FREM1: variants seen among roughly 807,000 people sequenced by gnomAD.
FREM1 encodes FRAS1-related extracellular matrix protein 1.
In FREM1, 220 loss-of-function variants were observed where a neutral mutation model predicts 210.1. The ratio of observed to expected loss-of-function variants is 1.05; its 90% confidence interval spans 0.94 to 1.17. The LOEUF is 1.17. Among genes scored for constraint, FREM1 ranks in the 50% most tolerant of loss-of-function variants. The pLI, the probability that FREM1 is intolerant of heterozygous loss-of-function variation, is 0.00. For synonymous variants in FREM1, 1,189 were observed against 980.2 expected, an observed-to-expected ratio of 1.21 and a Z score of -3.98; for missense variants, 3,454 against 2,675.5, an observed-to-expected ratio of 1.29 and a Z score of -6.42.
chr9:14,853,349 G>A (rs1007725331), intron 5 of FREM1, among the ~76,000 whole-genome samples: 2 of 152,190 alleles, frequency 1.3e-5, no homozygotes, highest in Non-Finnish European at 2.9e-5. Context: ...GTGCACTCTT[G>A]AGAGGACAAA....
intron 1 of FREM1, among the ~76,000 whole-genome samples, chr9:14,886,895 CAAAAAAAAAAAAAAA>C (rs59827471): frequency 1.0e-5 from 1 of 95,498 alleles, no homozygotes; most frequent in Non-Finnish European, 2.1e-5. Flanking sequence ...GACCTTGTTT[CAAAAAAAAAAAAAAA>C]AAAAAAAAAG....
chr9:14,848,901 A>G, intron 6 of FREM1, 128 bp from the exon 7 acceptor site: 1 of 503,230 alleles, frequency 2.0e-6, no homozygotes. Flanking sequence ...TGCAGTTCCC[A>G]CATCTCATTT....
At chr9:14,814,490 T>A (rs539753903) in intron 15 of FREM1, among the ~76,000 whole-genome samples, 6 of 152,316 alleles carry the variant, frequency 3.9e-5, no homozygotes, top group Admixed American at 2.6e-4. Context: ...CTAAAACAAA[T>A]ATACATGAAA....
intron 19 of FREM1, among the ~76,000 whole-genome samples, chr9:14,803,366 ATCCTTCCT>A (rs1817717942): frequency 9.5e-6 from 1 of 105,686 alleles, no homozygotes; most frequent in East Asian, 2.9e-4. Context: ...CCTTCTTTCC[ATCCTTCCT>A]TCCTTCCTCA....
At chr9:14,829,315 C>A (rs137937200) in intron 10 of FREM1, among the ~76,000 whole-genome samples, 1 of 152,288 alleles carries the variant, frequency 6.6e-6, no homozygotes, top group East Asian at 1.9e-4. Flanking sequence ...TAATTACTGT[C>A]TGAAAATGGT....
intron 24 of FREM1, among the ~76,000 whole-genome samples, chr9:14,777,465 T>C (rs980547288): frequency 1.1e-4 from 16 of 152,190 alleles, no homozygotes; most frequent in Non-Finnish European, 2.9e-5. Flanking sequence ...AATCACAGAA[T>C]TGTGCCTTGT....
chr9:14,838,489 G>GCACA (rs4008011), intron 10 of FREM1, among the ~76,000 whole-genome samples: 3,331 of 150,058 alleles, frequency 0.022, 51 homozygotes, highest in South Asian at 0.034. Flanking sequence ...ATGCTTGCCA[G>GCACA]CACACACACA....
At chr9:14,903,840 G>A (rs1390037327) in intron 1 of FREM1, among the ~76,000 whole-genome samples, 1 of 152,118 alleles carries the variant, frequency 6.6e-6, no homozygotes, top group Non-Finnish European at 1.5e-5. Context: ...AGACATTTCT[G>A]GCCGGGTGCG....
At chr9:14,809,762 TG>T (rs1279064646) in intron 16 of FREM1, among the ~76,000 whole-genome samples, 1 of 152,176 alleles carries the variant, frequency 6.6e-6, no homozygotes, top group Non-Finnish European at 1.5e-5. Context: ...GCACACATTT[TG>T]GAACTTTCAA....
intron 27 of FREM1, among the ~76,000 whole-genome samples, chr9:14,764,479 A>G (rs1846046288): frequency 6.6e-6 from 1 of 152,246 alleles, no homozygotes; most frequent in African/African-American, 2.4e-5. Flanking sequence ...TTATTAGCAT[A>G]GAGAGAAAGA....
chr9:14,775,707 CAAAA>C (rs35187926), intron 25 of FREM1, 78 bp downstream of exon 25: 1,983 of 365,282 alleles, frequency 5.4e-3, no homozygotes, highest in Middle Eastern at 0.011. Flanking sequence ...GACTCCCTCT[CAAAA>C]AAAAAAAAAA....
chr9:14,854,181 T>C (rs893441605), intron 5 of FREM1, among the ~76,000 whole-genome samples: 2 of 152,074 alleles, frequency 1.3e-5, no homozygotes, highest in Middle Eastern at 3.2e-3. Context: ...AAATAAAACA[T>C]CAACTGTGAT....
At chr9:14,832,500 C>G (rs774044530) in intron 10 of FREM1, among the ~76,000 whole-genome samples, 1 of 152,166 alleles carries the variant, frequency 6.6e-6, no homozygotes. Context: ...AACACAATTC[C>G]CAATAGGAAG....
At chr9:14,860,331 T>G (rs903340664) in intron 3 of FREM1, among the ~76,000 whole-genome samples, 8 of 151,834 alleles carry the variant, frequency 5.3e-5, no homozygotes, top group Non-Finnish European at 8.8e-5. Context: ...TTCTGCTGCC[T>G]ACTCCCCTGA....
At chr9:14,873,527 A>AT (rs753870768) in intron 1 of FREM1, among the ~76,000 whole-genome samples, 229 of 151,156 alleles carry the variant, frequency 1.5e-3, no homozygotes, top group Admixed American at 3.0e-3. Flanking sequence ...CCACAATATC[A>AT]TTTTTTATTG....
Position 14,879,030 on chromosome 9 carries a change from G to A in FREM1, c.-267-9786C>T, listed in dbSNP as rs554011205. ...AAATTAGCCAGGCATCGTGGCAGGC[G>A]CCTGTAATCTGAGCTACTTAGGAGG... On this transcript the variant is annotated intron_variant, in intron 1 of 36. Transcript: ENST00000380880. Among the ~76,000 whole-genome samples, 6 of 151,826 alleles carry A rather than the reference G, an allele frequency of 4.0e-5. No individual in the cohort carries two copies. The South Asian group carries it at 1.0e-3, about 26-fold the overall frequency.
intron 3 of FREM1, among the ~76,000 whole-genome samples, chr9:14,860,464 G>T (rs1481781630): frequency 6.6e-6 from 1 of 151,432 alleles, no homozygotes; most frequent in Non-Finnish European, 1.5e-5. Context: ...GAAGAAGCAA[G>T]CATTCATCAG....
At chr9:14,793,583 T>A (rs954264355) in intron 21 of FREM1, among the ~76,000 whole-genome samples, 1 of 152,194 alleles carries the variant, frequency 6.6e-6, no homozygotes, top group Non-Finnish European at 1.5e-5. Flanking sequence ...TCACAGCCTA[T>A]ATGGCCATTG....
intron 8 of FREM1, among the ~76,000 whole-genome samples, chr9:14,845,398 A>G (rs1216378387): frequency 6.6e-6 from 1 of 151,924 alleles, no homozygotes; most frequent in African/African-American, 2.4e-5. Context: ...TCTGCCGCCC[A>G]GGTTCAAGCA....
Sources: allele counts gnomAD v4.1 joint callset (sites outside exome capture counted in the v4.1 genomes callset), GRCh38; gene constraint gnomAD v4.1.1; transcripts MANE v1.5; gene names NCBI Gene and HGNC (gene_info 2026-07-23, HGNC 2026-07-21).